HM13: variants seen among roughly 807,000 people sequenced by gnomAD.
HM13 encodes histocompatibility minor 13, also known as signal peptide peptidase.
A neutral mutation model predicts 50.0 loss-of-function variants in HM13; 18 were observed. The observed-to-expected ratio is 0.36, with a 90% CI of 0.25 to 0.53. HM13 has a LOEUF of 0.53. HM13 is among the 20% of genes least tolerant of loss of function. HM13 has a pLI of 0.90. For missense variants in HM13, 393 were observed against 552.4 expected, an observed-to-expected ratio of 0.71 and a Z score of 2.89; for synonymous variants, 197 against 232.6, an observed-to-expected ratio of 0.85 and a Z score of 1.39.
intron 1 of HM13, among the ~76,000 whole-genome samples, chr20:31,524,547 C>T (rs1457929825): frequency 6.6e-6 from 1 of 152,022 alleles, no homozygotes; most frequent in East Asian, 1.9e-4. Context: ...CATCTTTCCC[C>T]GTAGCCCCAC....
At chr20:31,552,874 C>G (rs988054794) in intron 7 of HM13, among the ~76,000 whole-genome samples, 1 of 152,204 alleles carries the variant, frequency 6.6e-6, no homozygotes, top group Non-Finnish European at 1.5e-5. Context: ...AATCCCTGTG[C>G]ACGCACCTCT....
chr20:31,531,601 G>A (rs1487652038), intron 2 of HM13, among the ~76,000 whole-genome samples: 2 of 151,864 alleles, frequency 1.3e-5, no homozygotes, highest in African/African-American at 2.4e-5. Flanking sequence ...TGTTGTTATT[G>A]TTTTGTTTTG....
intron 3 of HM13, 126 bp downstream of exon 3, chr20:31,538,387 G>A: frequency 6.4e-7 from 1 of 1,563,360 alleles, no homozygotes; most frequent in South Asian, 1.2e-5. Context: ...AAAACTCAAG[G>A]GACTCTTTCC....
At chr20:31,559,527 G>T in intron 8 of HM13, 84 bp from the exon 9 acceptor site, 1 of 1,343,290 alleles carries the variant, frequency 7.4e-7, no homozygotes. Flanking sequence ...TGGAACACCA[G>T]GTTGGGGACC....
chr20:31,542,693 C>T (rs1182682603), intron 3 of HM13, among the ~76,000 whole-genome samples: 1 of 152,160 alleles, frequency 6.6e-6, no homozygotes, highest in African/African-American at 2.4e-5. Flanking sequence ...TAGTGCTAAG[C>T]AGCCTCTCTT....
rs191411506 is a variant in HM13, at chr20:31,526,316, G to A, written c.184-1168G>A. Among the ~76,000 whole-genome samples, 582 of 151,980 alleles carry A rather than the reference G, an allele frequency of 3.8e-3. 5 individuals are homozygous for A. Among genetic ancestry groups the A allele is most frequent in the East Asian group, 0.016 (82 of 5,136 alleles). Reference sequence around the variant, plus strand: ...TGGGATTATAGGTGCCCGCCACTGCGCCCGGCTAATTTTTGTATTTTTAGT... The same window carrying A: ...TGGGATTATAGGTGCCCGCCACTGCACCCGGCTAATTTTTGTATTTTTAGT... On this transcript the variant is annotated intron_variant, in intron 1 of 12. Coordinates refer to ENST00000398174, the MANE Select transcript of HM13 (RefSeq NM_178581.3).
At chr20:31,515,301 CT>C (rs764427956) in intron 1 of HM13, among the ~76,000 whole-genome samples, 19 of 152,234 alleles carry the variant, frequency 1.2e-4, no homozygotes, top group Non-Finnish European at 2.4e-4. Flanking sequence ...GCCCTTGCCC[CT>C]GCCTCAAAAA....
intron 2 of HM13, among the ~76,000 whole-genome samples, chr20:31,531,967 GA>G (rs1451884816): frequency 9.2e-5 from 14 of 152,106 alleles, no homozygotes; most frequent in African/African-American, 2.7e-4. Flanking sequence ...AATAAAAGCA[GA>G]AAAACATCCC....
chr20:31,543,532 G>A (rs1266747161), intron 3 of HM13, among the ~76,000 whole-genome samples: 7 of 151,632 alleles, frequency 4.6e-5, no homozygotes, highest in African/African-American at 1.7e-4. Flanking sequence ...CAAGTGATCC[G>A]CCACCTCAGC....
intron 1 of HM13, among the ~76,000 whole-genome samples, chr20:31,522,544 T>TA (rs11473463): frequency 0.037 from 5,250 of 141,636 alleles, 320 homozygotes; most frequent in African/African-American, 0.13. Flanking sequence ...AAAACTCCAC[T>TA]AAAAAAAAAC....
In HM13 at chr20:31,534,036, C is replaced by T. The variant is rs146393034; in HGVS notation, c.283-4143C>T. Among the ~76,000 whole-genome samples the T allele has an allele frequency of 5.0e-3, 760 of 152,126 alleles. 7 individuals carry two copies. Among genetic ancestry groups the T allele is most frequent in the African/African-American group, 0.017 (706 of 41,450 alleles). ...CTGGGACTACAGGCATGCACCACCA[C>T]GCCCGCCTAATTTTTTTTTATTTTG... is the stretch of plus-strand genomic sequence containing the variant. On this transcript the variant is annotated intron_variant, in intron 2 of 12. Coordinates refer to ENST00000398174, the MANE Select transcript of HM13 (RefSeq NM_178581.3).
In HM13 at chr20:31,520,516, C is replaced by T. The variant is rs562508855; in HGVS notation, c.183+5782C>T. ...ACAGGGTTTCACCATGTTGGCCAGG[C>T]TGGTCTCGAACTCTTGACCTCAAGT... On this transcript the variant is annotated intron_variant, in intron 1 of 12. Transcript: ENST00000398174. 1.2e-4 allele frequency among the ~76,000 whole-genome samples: 18 copies of T among 152,234 alleles called. No homozygotes were observed. The South Asian group carries it at 2.1e-3, about 18-fold the overall frequency.
intron 3 of HM13, 63 bp from the exon 4 acceptor site, chr20:31,544,884 G>T (rs1983624904): frequency 7.8e-7 from 1 of 1,281,684 alleles, no homozygotes; most frequent in Non-Finnish European, 1.1e-6. Context: ...TGGGGCAGGG[G>T]TGTGTTAAGG....
chr20:31,538,604 T>C, intron 3 of HM13: 1 of 1,256,090 alleles, frequency 8.0e-7, no homozygotes, highest in Non-Finnish European at 1.0e-6. Flanking sequence ...AGCTGTGTGC[T>C]AAGTGCCATG....
intron 2 of HM13, among the ~76,000 whole-genome samples, chr20:31,537,277 G>C (rs914715591): frequency 3.9e-5 from 6 of 152,244 alleles, no homozygotes; most frequent in Non-Finnish European, 7.3e-5. Flanking sequence ...CAAGGCTCAG[G>C]AGACTTGTGG....
intron 1 of HM13, among the ~76,000 whole-genome samples, chr20:31,523,268 CTT>C (rs376290504): frequency 4.4e-5 from 6 of 137,216 alleles, no homozygotes; most frequent in Non-Finnish European, 6.4e-5. Flanking sequence ...CCAGGCTGGT[CTT>C]TTTTTTTTTT....
In HM13 at chr20:31,527,529, C is replaced by T. The variant is rs1427959459; in HGVS notation, c.229C>T (p.Arg77Cys). The change falls in exon 2 of 13, where the codon CGC becomes TGC. Residue 77 changes from arginine (R) to cysteine (C), a missense_variant. Arg to Cys is a radical substitution (Grantham distance 180). Transcript: ENST00000398174. ...PETITSRDAA[R>C]FPIIASCTLL... ...AACAATCACCAGCCGGGATGCCGCCCGCTTCCCCATCATCGCCAGCTGCAC... is the reference window on the plus strand; with the variant it reads ...AACAATCACCAGCCGGGATGCCGCCTGCTTCCCCATCATCGCCAGCTGCAC... 15 of 1,614,002 alleles carry T rather than the reference C, an allele frequency of 9.3e-6. No individual in the cohort carries two copies. Among genetic ancestry groups the T allele is most frequent in the South Asian group, 2.2e-5 (2 of 91,078 alleles).
At chr20:31,550,632 A>G (rs930208640) in intron 7 of HM13, among the ~76,000 whole-genome samples, 1 of 152,234 alleles carries the variant, frequency 6.6e-6, no homozygotes, top group Non-Finnish European at 1.5e-5. Flanking sequence ...GTTTTTGAGC[A>G]CTGACATGAC....
intron 7 of HM13, among the ~76,000 whole-genome samples, chr20:31,553,389 G>C (rs1465962217): frequency 6.6e-6 from 1 of 151,888 alleles, no homozygotes; most frequent in African/African-American, 2.4e-5. Flanking sequence ...GCTTAGTCTT[G>C]CACCACACTT....
Sources: gnomAD v4.1 joint callset for allele counts (sites outside exome capture counted in the v4.1 genomes callset) on GRCh38, gnomAD v4.1.1 for gene constraint, MANE v1.5 for transcripts, NCBI Gene and HGNC (gene_info 2026-07-23, HGNC 2026-07-21) for gene names.